Variants in RILPL1 observed in about 807,000 individuals in gnomAD.
RILPL1 encodes RILP-like protein 1.
RILPL1 carries 33 observed loss-of-function variants against 50.3 expected under a neutral mutation model. The ratio of observed to expected loss-of-function variants is 0.66; its 90% confidence interval spans 0.50 to 0.88. The LOEUF (loss-of-function observed/expected upper bound fraction) is 0.88, where lower values mean the gene tolerates loss of function less well. RILPL1 is among the 40% of genes least tolerant of loss of function. The pLI is 0.00. For synonymous variants in RILPL1, 205 were observed against 228.6 expected (o/e 0.90, Z 0.93); for missense variants, 418 against 542.5 (o/e 0.77, Z 2.28).
chr12:123,472,216 T>G lies in RILPL1; in HGVS notation c.*322A>C. The G allele has an allele frequency of 1.4e-5, 4 of 276,654 alleles. No individual in the cohort carries two copies. Among genetic ancestry groups the G allele is most frequent in the Non-Finnish European group, 2.8e-5 (4 of 145,334 alleles). 17.1% of individuals were successfully genotyped at this position (276,654 alleles called of 1,614,324 possible). On this transcript the variant is annotated 3_prime_UTR_variant, in exon 7 of 7. Coordinates refer to ENST00000376874, the MANE Select transcript of RILPL1 (RefSeq NM_178314.5). ...AAACAGCAATGATAGTGGCAAGTGATGTATTTGGCTTAAAGAAGCTTGTGT... is the reference window on the plus strand; with the variant it reads ...AAACAGCAATGATAGTGGCAAGTGAGGTATTTGGCTTAAAGAAGCTTGTGT...
intron 6 of RILPL1, among the ~76,000 whole-genome samples, chr12:123,477,987 CTTTTTTTTTTTT>C (rs56296800): frequency 3.9e-4 from 16 of 41,176 alleles, no homozygotes; most frequent in Middle Eastern, 0.015. Flanking sequence ...ATCTGTATGT[CTTTTTTTTTTTT>C]TTTTTTTTTT....
At chr12:123,488,596 G>C (rs1377200704) in intron 4 of RILPL1, among the ~76,000 whole-genome samples, 1 of 152,230 alleles carries the variant, frequency 6.6e-6, no homozygotes, top group Non-Finnish European at 1.5e-5. Context: ...TGGGAGGCTG[G>C]AACCGGCTGT....
intron 4 of RILPL1, among the ~76,000 whole-genome samples, chr12:123,496,235 A>G (rs1883025696): frequency 6.6e-6 from 1 of 151,678 alleles, no homozygotes; most frequent in African/African-American, 2.4e-5. Context: ...GCTGGTCTCG[A>G]ACTCCTGACC....
chr12:123,489,141 G>C lies in RILPL1; in HGVS notation c.802-3336C>G, dbSNP rs1882530726. Among the ~76,000 whole-genome samples the C allele has an allele frequency of 6.6e-6, 1 of 152,208 alleles. No individual in the cohort carries two copies. On this transcript the variant is annotated intron_variant, in intron 4 of 6. Coordinates refer to ENST00000376874, the MANE Select transcript of RILPL1 (RefSeq NM_178314.5). This position sits in a 1 kb window ranked among gnomAD's most constrained non-coding sequence, Gnocchi z 4.0. ...GATGTCTAGTTATCCAACATTTACT[G>C]AGAGCTAACTTTGTGCCTTGCTGGC...
In RILPL1 at chr12:123,489,796, G is replaced by T. The variant is rs1479726898; in HGVS notation, c.802-3991C>A. ...ATGTAGGAGTTCACCAGGAACTCTG[G>T]GCATTAGTAGTATAGATCAGAGGTT... On this transcript the variant is annotated intron_variant, in intron 4 of 6. Coordinates refer to ENST00000376874, the MANE Select transcript of RILPL1 (RefSeq NM_178314.5). The surrounding 1 kb of genome is among the most constrained non-coding windows in gnomAD (Gnocchi z 4.0). 2.0e-5 allele frequency among the ~76,000 whole-genome samples: 3 copies of T among 152,100 alleles called. No individual in the cohort carries two copies. The highest frequency in any genetic ancestry group is 4.4e-5 in the Non-Finnish European group (3 of 68,020).
At chr12:123,529,586 T>A (rs1190698517) in intron 1 of RILPL1, among the ~76,000 whole-genome samples, 5 of 152,042 alleles carry the variant, frequency 3.3e-5, no homozygotes, top group Non-Finnish European at 7.4e-5. Flanking sequence ...CTGAATTTTT[T>A]TTTTTTTTTT....
chr12:123,472,630 C>T lies in RILPL1; in HGVS notation c.1120G>A (p.Val374Met), dbSNP rs763105415. Residue 374 changes from valine (V) to methionine (M), a missense_variant, in exon 7 of 7, where the codon GTG (valine) becomes ATG (methionine). Transcript: ENST00000376874. ...TGTCCAAAGGACTCCTGGATGTGCA[C>T]GTTTCTCTGTGTGTTGGCCAGGCGC... is the stretch of plus-strand genomic sequence containing the variant. ...KKRLANTQRN[V>M]HIQESFGQWA... 1.0e-5 allele frequency: 16 copies of T among 1,593,226 alleles called. No homozygotes were observed. Among genetic ancestry groups the T allele is most frequent in the South Asian group, 3.4e-5 (3 of 87,494 alleles).
At chr12:123,500,273 CCTTT>C (rs1220434290) in intron 2 of RILPL1, among the ~76,000 whole-genome samples, 11 of 145,114 alleles carry the variant, frequency 7.6e-5, no homozygotes, top group Non-Finnish European at 1.7e-4. Flanking sequence ...CCTATGTGTC[CCTTT>C]CTTTTTTTTT....
intron 1 of RILPL1, among the ~76,000 whole-genome samples, chr12:123,525,972 A>G (rs1885238030): frequency 6.6e-6 from 1 of 152,188 alleles, no homozygotes; most frequent in Non-Finnish European, 1.5e-5. Context: ...TAAAACCGTA[A>G]GCTAGCTCAC....
Position 123,533,266 on chromosome 12 carries a change from C to T in RILPL1, c.217G>A (p.Val73Ile). ...CGCAGCTCGTCCAGCTCGGGCGCGA[C>T]GTGGTGGCGGCTGACCAGCACCTCC... Reference protein sequence around the residue: ...ILEVLVSRHHVAPELDELRLE... With the variant: ...ILEVLVSRHHIAPELDELRLE... Residue 73 changes from valine (V) to isoleucine (I), a missense_variant, in exon 1 of 7, where the codon GTC (valine) becomes ATC (isoleucine). Physicochemically the swap from Val to Ile is conservative, Grantham distance 29. Transcript: ENST00000376874. This position sits in a 1 kb window ranked among gnomAD's most constrained non-coding sequence, Gnocchi z 6.2. 1 of 1,590,374 alleles carries T rather than the reference C, an allele frequency of 6.3e-7. No individual in the cohort carries two copies. Among genetic ancestry groups the T allele is most frequent in the Non-Finnish European group, 8.5e-7 (1 of 1,174,036 alleles).
In RILPL1 at chr12:123,485,599, C is replaced by T. The variant is rs376589212; in HGVS notation, c.974+34G>A. On this transcript the variant is annotated intron_variant, in intron 5 of 6. Coordinates refer to ENST00000376874, the MANE Select transcript of RILPL1 (RefSeq NM_178314.5). The surrounding 1 kb of genome is among the most constrained non-coding windows in gnomAD (Gnocchi z 4.0). ...AACTCTGGCTAACCTCAGTAAGGAG[C>T]CAGCTCGGGCCATCCAGCCCCAGGG... The T allele has an allele frequency of 6.7e-5, 108 of 1,601,386 alleles. No homozygotes were observed. Among genetic ancestry groups the T allele is most frequent in the Non-Finnish European group, 8.9e-5 (105 of 1,173,526 alleles).
intron 2 of RILPL1, among the ~76,000 whole-genome samples, chr12:123,511,156 CTG>C (rs1470564708): frequency 1.6e-5 from 1 of 61,358 alleles, no homozygotes; most frequent in African/African-American, 6.8e-5. Flanking sequence ...TGTGTGAGGT[CTG>C]TGTGTGGTGT....
intron 5 of RILPL1, among the ~76,000 whole-genome samples, 173 bp from the exon 6 acceptor site, chr12:123,484,445 C>T (rs953844154): frequency 6.6e-6 from 1 of 152,116 alleles, no homozygotes; most frequent in Non-Finnish European, 1.5e-5. Context: ...CTCCCCGTTT[C>T]CTGTCCTTAC....
intron 4 of RILPL1, among the ~76,000 whole-genome samples, chr12:123,494,364 G>A (rs1882897911): frequency 2.0e-5 from 3 of 152,204 alleles, no homozygotes; most frequent in Admixed American, 6.5e-5. Context: ...CTGGGAAAGC[G>A]CACTGCAAAG....
intron 2 of RILPL1, among the ~76,000 whole-genome samples, chr12:123,502,377 T>C (rs1354275975): frequency 6.6e-6 from 1 of 152,254 alleles, no homozygotes; most frequent in Non-Finnish European, 1.5e-5. Context: ...GCTGTCGTTT[T>C]TCCAGAGTCT....
intron 1 of RILPL1, among the ~76,000 whole-genome samples, chr12:123,530,261 G>A (rs906044471): frequency 6.6e-6 from 1 of 152,108 alleles, no homozygotes; most frequent in African/African-American, 2.4e-5. Flanking sequence ...TGCCTCCCGG[G>A]TTCAAGCGAT....
intron 1 of RILPL1, among the ~76,000 whole-genome samples, chr12:123,528,788 T>C (rs1237251109): frequency 6.6e-6 from 1 of 151,958 alleles, no homozygotes; most frequent in Non-Finnish European, 1.5e-5. Flanking sequence ...CCTAAATTCT[T>C]TTTTTTTCTT....
At position 123,496,656 on chromosome 12, in the gene RILPL1, C is replaced by T. The variant is rs138625663; in HGVS notation, c.801+1888G>A. 4.0e-3 allele frequency among the ~76,000 whole-genome samples: 605 copies of T among 152,304 alleles called. 5 individuals carry two copies. The highest frequency in any genetic ancestry group is 0.013 in the African/African-American group (556 of 41,554). ...TCTCAGCATTGTTAACACTGACGCC[C>T]GGCTTCAGGAACAGCTCTTCCCTGA... On this transcript the variant is annotated intron_variant, in intron 4 of 6. Coordinates refer to ENST00000376874, the MANE Select transcript of RILPL1 (RefSeq NM_178314.5).
At chr12:123,496,002 C>T (rs576038803) in intron 4 of RILPL1, among the ~76,000 whole-genome samples, 88 of 151,194 alleles carry the variant, frequency 5.8e-4, no homozygotes, top group African/African-American at 2.1e-3. Context: ...CCCTTAACCA[C>T]TCCTTTTTTT....
Sources: allele counts gnomAD v4.1 joint callset (sites outside exome capture counted in the v4.1 genomes callset), GRCh38; gene constraint gnomAD v4.1.1; non-coding constraint Gnocchi (gnomAD v3.1); transcripts MANE v1.5; gene names NCBI Gene and HGNC (gene_info 2026-07-23, HGNC 2026-07-21).